Variants in MSRA observed in about 807,000 individuals in gnomAD.
MSRA encodes the protein mitochondrial peptide methionine sulfoxide reductase.
In MSRA, 54 loss-of-function variants were observed where a neutral mutation model predicts 31.3. The observed-to-expected ratio is 1.73, with a 90% CI of 1.39 to 2.17. MSRA has a LOEUF of 2.17. Ranked by LOEUF, MSRA falls within the 30% of genes most tolerant of loss-of-function variation. The pLI is 0.00. For missense variants in MSRA, 507 were observed against 300.9 expected (o/e 1.69, Z -5.07); for synonymous variants, 169 against 116.5 (o/e 1.45, Z -2.90).
chr8:10,323,089 C>CAAAAA (rs34539032), intron 5 of MSRA, among the ~76,000 whole-genome samples: 7 of 112,296 alleles, frequency 6.2e-5, no homozygotes, highest in African/African-American at 1.8e-4. Flanking sequence ...GACTCCATCT[C>CAAAAA]AAAAAAAAAA....
intron 2 of MSRA, among the ~76,000 whole-genome samples, chr8:10,213,209 A>C (rs1244795925): frequency 6.6e-6 from 1 of 152,006 alleles, no homozygotes; most frequent in African/African-American, 2.4e-5. Flanking sequence ...TACCCTTCCC[A>C]GCCTTTGGTA....
At chr8:10,322,281 G>A (rs2129139185) in intron 5 of MSRA, among the ~76,000 whole-genome samples, 1 of 151,744 alleles carries the variant, frequency 6.6e-6, no homozygotes, top group Non-Finnish European at 1.5e-5. Context: ...TGAAATTAAA[G>A]AGAAGTAAGA....
chr8:10,085,784 C>T (rs1329245237), intron 1 of MSRA, among the ~76,000 whole-genome samples: 3 of 152,190 alleles, frequency 2.0e-5, no homozygotes, highest in Non-Finnish European at 2.9e-5. Context: ...AATTGATCTG[C>T]TTTCTGTCTC....
intron 1 of MSRA, among the ~76,000 whole-genome samples, chr8:10,200,155 G>A (rs978583928): frequency 3.9e-5 from 6 of 152,236 alleles, no homozygotes; most frequent in Admixed American, 6.5e-5. Context: ...GTGTATCTCC[G>A]TTCTGCTGCG....
intron 4 of MSRA, among the ~76,000 whole-genome samples, chr8:10,313,047 T>G (rs1248507529): frequency 1.3e-5 from 2 of 152,194 alleles, no homozygotes; most frequent in Non-Finnish European, 2.9e-5. Context: ...GTATGCTGAT[T>G]GAAAAATCCA....
At chr8:10,064,119 G>A (rs990495938) in intron 1 of MSRA, among the ~76,000 whole-genome samples, 1 of 152,094 alleles carries the variant, frequency 6.6e-6, no homozygotes, top group African/African-American at 2.4e-5. Context: ...CTGTGTTTTC[G>A]GAACTCCTAG....
At chr8:10,116,210 T>C (rs1800665194) in intron 1 of MSRA, among the ~76,000 whole-genome samples, 1 of 152,234 alleles carries the variant, frequency 6.6e-6, no homozygotes, top group Non-Finnish European at 1.5e-5. Flanking sequence ...CAGGATGCCG[T>C]TGAGTGCATC....
chr8:10,087,995 A>G (rs1484775881), intron 1 of MSRA, among the ~76,000 whole-genome samples: 1 of 152,170 alleles, frequency 6.6e-6, no homozygotes, highest in African/African-American at 2.4e-5. Flanking sequence ...TGCAGGGGTG[A>G]TCTAGGACCT....
chr8:10,078,937 C>A (rs984115200), intron 1 of MSRA, among the ~76,000 whole-genome samples: 5 of 152,208 alleles, frequency 3.3e-5, no homozygotes, highest in African/African-American at 9.6e-5. Flanking sequence ...AGCCAGTGGT[C>A]CCTCGCTAGC....
chr8:10,107,069 C>A (rs774634067), intron 1 of MSRA, among the ~76,000 whole-genome samples: 1 of 152,136 alleles, frequency 6.6e-6, no homozygotes, highest in African/African-American at 2.4e-5. Flanking sequence ...CACAGATAAC[C>A]GCTGCCATCA....
chr8:10,084,151 C>T (rs923212260), intron 1 of MSRA, among the ~76,000 whole-genome samples: 1 of 152,262 alleles, frequency 6.6e-6, no homozygotes, highest in Non-Finnish European at 1.5e-5. Flanking sequence ...TTATGGAGTA[C>T]TCTCCGACTT....
At chr8:10,363,924 C>A (rs548040860) in intron 5 of MSRA, among the ~76,000 whole-genome samples, 3 of 152,064 alleles carry the variant, frequency 2.0e-5, no homozygotes, top group African/African-American at 7.2e-5. Flanking sequence ...AAGTAAGACC[C>A]TGTAACAACA....
chr8:10,369,515 C>G (rs1805361952), intron 5 of MSRA, among the ~76,000 whole-genome samples: 1 of 152,154 alleles, frequency 6.6e-6, no homozygotes, highest in Non-Finnish European at 1.5e-5. Flanking sequence ...AAGACTTTGT[C>G]ATCTTTTGAC....
In MSRA at chr8:10,088,870, A is replaced by G. The variant is rs558874336; in HGVS notation, c.142+34212A>G. Among the ~76,000 whole-genome samples the G allele has an allele frequency of 5.3e-5, 8 of 152,358 alleles. No homozygotes were observed. The South Asian group carries it at 1.7e-3, about 32-fold the overall frequency. On this transcript the variant is annotated intron_variant, in intron 1 of 5. Transcript: ENST00000317173. Reference sequence around the variant, plus strand: ...TCTAAAGGACGTTATGCTAAGTGAAATGTGCAGACACAGAGAGAGAAATAT... The same window carrying G: ...TCTAAAGGACGTTATGCTAAGTGAAGTGTGCAGACACAGAGAGAGAAATAT...
At chr8:10,295,490 C>T (rs1233876243) in intron 3 of MSRA, among the ~76,000 whole-genome samples, 2 of 152,188 alleles carry the variant, frequency 1.3e-5, no homozygotes, top group African/African-American at 2.4e-5. Context: ...CTTGGTCCTT[C>T]TAGATGAGCC....
intron 4 of MSRA, among the ~76,000 whole-genome samples, chr8:10,319,335 G>A (rs1801910769): frequency 6.6e-6 from 1 of 152,138 alleles, no homozygotes; most frequent in Non-Finnish European, 1.5e-5. Flanking sequence ...CCCTTCAGCT[G>A]CTGAGACTGG....
At chr8:10,095,556 GAGAGAGAGAA>G (rs895804708) in intron 1 of MSRA, 50 of 985,670 alleles carry the variant, frequency 5.1e-5, no homozygotes, top group Middle Eastern at 5.2e-4. Context: ...GCAAAAGAGT[GAGAGAGAGAA>G]AGAGGGAGAG....
At chr8:10,204,191 T>C in intron 1 of MSRA, among the ~76,000 whole-genome samples, 1 of 152,186 alleles carries the variant, frequency 6.6e-6, no homozygotes, top group African/African-American at 2.4e-5. Context: ...AAAAATAGTT[T>C]AAAAGTTTAT....
chr8:10,324,188 C>A (rs187115766), intron 5 of MSRA, among the ~76,000 whole-genome samples: 1 of 152,352 alleles, frequency 6.6e-6, no homozygotes, highest in East Asian at 1.9e-4. Flanking sequence ...TAGTGGCTCA[C>A]TGGCTCAGTT....
Sources: allele counts gnomAD v4.1 joint callset (sites outside exome capture counted in the v4.1 genomes callset), GRCh38; gene constraint gnomAD v4.1.1; transcripts MANE v1.5; gene names NCBI Gene and HGNC (gene_info 2026-07-23, HGNC 2026-07-21).